Variants in CCDC136 observed in about 807,000 individuals in gnomAD.
CCDC136 encodes the protein coiled-coil domain-containing protein 136.
A neutral mutation model predicts 141.2 loss-of-function variants in CCDC136; 100 were observed. The ratio of observed to expected loss-of-function variants is 0.71; its 90% confidence interval spans 0.60 to 0.84. CCDC136 has a LOEUF of 0.84. Among genes scored for constraint, CCDC136 ranks in the 40% least tolerant of loss-of-function variants. The probability of loss-of-function intolerance (pLI) is 0.00; values close to 1 mark genes in which losing one functional copy is unlikely to be tolerated. For missense variants in CCDC136, 1,206 were observed against 1,379.4 expected (o/e 0.87, Z 1.99); for synonymous variants, 474 against 531.9 (o/e 0.89, Z 1.50).
chr7:128,809,753 A>G (rs1805433023), intron 11 of CCDC136, 109 bp downstream of exon 11: 7 of 789,846 alleles, frequency 8.9e-6, no homozygotes, highest in Non-Finnish European at 1.4e-5. Flanking sequence ...TCTCTTACCA[A>G]CCACTCCTTA....
rs1041087029 is a variant in CCDC136 at position 128,821,137 on chromosome 7, T to A, written c.*6-662T>A. On this transcript the variant is annotated intron_variant, in intron 17 of 17. Coordinates refer to ENST00000297788, the MANE Select transcript of CCDC136 (RefSeq NM_022742.5). This position sits in a 1 kb window ranked among gnomAD's most constrained non-coding sequence, Gnocchi z 5.1. Reference sequence around the variant, plus strand: ...CCACTTGTCCCATGAATCAGCAGGGTTCCCTAGTGGCCGGCAGTGTCTGGA... The same window carrying A: ...CCACTTGTCCCATGAATCAGCAGGGATCCCTAGTGGCCGGCAGTGTCTGGA... Among the ~76,000 whole-genome samples the A allele has an allele frequency of 3.9e-5, 6 of 152,176 alleles. No homozygotes were observed. Among genetic ancestry groups the A allele is most frequent in the African/African-American group, 1.4e-4 (6 of 41,442 alleles).
At chr7:128,804,046 C>T (rs1804457765) in intron 4 of CCDC136, among the ~76,000 whole-genome samples, 1 of 152,168 alleles carries the variant, frequency 6.6e-6, no homozygotes, top group South Asian at 2.1e-4. Context: ...AAACTCCTGA[C>T]CTCAAGTGAT....
chr7:128,805,904 A>G lies in CCDC136; in HGVS notation c.1089+3A>G. 6.2e-7 allele frequency: 1 copy of G among 1,613,822 alleles called. No homozygotes were observed. Among genetic ancestry groups the G allele is most frequent in the Non-Finnish European group, 8.5e-7 (1 of 1,179,864 alleles). On this transcript the variant is annotated splice_donor_region_variant and intron_variant, in intron 7 of 17. Coordinates refer to ENST00000297788, the MANE Select transcript of CCDC136 (RefSeq NM_022742.5). This position sits in a 1 kb window ranked among gnomAD's most constrained non-coding sequence, Gnocchi z 4.6. ...AGACCTCCCACAGTGTCACCCAGGT[A>G]AACACTGCCCGGGGAGGCATCTGGG...
Position 128,817,251 on chromosome 7 carries a change from C to T in CCDC136, c.3364-507C>T, listed in dbSNP as rs1806776052. On this transcript the variant is annotated intron_variant, in intron 16 of 17. Transcript: ENST00000297788. This position sits in a 1 kb window ranked among gnomAD's most constrained non-coding sequence, Gnocchi z 4.6. ...TGCAGTGAAAGAACTAGCCCTTCTC[C>T]ATTGTCAGTTTGTTTCGGTGCATGT... Among the ~76,000 whole-genome samples, 1 of 152,202 alleles carries T rather than the reference C, an allele frequency of 6.6e-6. No homozygotes were observed. The highest frequency in any genetic ancestry group is 2.4e-5 in the African/African-American group (1 of 41,450).
chr7:128,812,033 C>T lies in CCDC136; in HGVS notation c.2262C>T (p.Ser754=), dbSNP rs148305489. ...AGAGCTATGGTAGCATGGTCCCCAGCAATGAGAACTGTCGCAAGACTTATG... is the reference window on the plus strand; with the variant it reads ...AGAGCTATGGTAGCATGGTCCCCAGTAATGAGAACTGTCGCAAGACTTATG... The part of the protein sequence containing the change: ...YGKSYGSMVP[S]NENCRKTYDT... The change falls in exon 13 of 18, where the codon AGC becomes AGT. Residue 754 remains serine (S), a synonymous_variant. Transcript: ENST00000297788. The T allele has an allele frequency of 5.0e-6, 8 of 1,613,888 alleles. No individual in the cohort carries two copies. The highest frequency in any genetic ancestry group is 1.3e-5 in the African/African-American group (1 of 74,922).
intron 4 of CCDC136, among the ~76,000 whole-genome samples, chr7:128,802,694 T>A (rs1804232867): frequency 6.6e-6 from 1 of 152,232 alleles, no homozygotes; most frequent in Non-Finnish European, 1.5e-5. Context: ...CAATATTTGA[T>A]TCCTTAGTCA....
chr7:128,791,360 G>T (rs1033427840), upstream of CCDC136: 1 of 499,818 alleles, frequency 2.0e-6, no homozygotes, highest in African/African-American at 2.0e-5. This position sits in a 1 kb window ranked among gnomAD's most constrained non-coding sequence, Gnocchi z 7.1. Context: ...GCGGCGGGGG[G>T]CGGTGTCAGG....
At position 128,820,655 on chromosome 7, in the gene CCDC136, G is replaced by A. The variant is rs555025428; in HGVS notation, c.*6-1144G>A. On this transcript the variant is annotated intron_variant, in intron 17 of 17. Transcript: ENST00000297788. ...GCTCTGTCACCGAGGCTAGAGTGCAGCGGCATGATCATGGCTCACTGTAAC... is the reference window on the plus strand; with the variant it reads ...GCTCTGTCACCGAGGCTAGAGTGCAACGGCATGATCATGGCTCACTGTAAC... Among the ~76,000 whole-genome samples, 3 of 152,332 alleles carry A rather than the reference G, an allele frequency of 2.0e-5. No individual in the cohort carries two copies. In the South Asian group the frequency reaches 6.2e-4, roughly 32 times the overall value.
Position 128,805,449 on chromosome 7 carries a change from G to T in CCDC136, c.873G>T (p.Glu291Asp). 6.2e-7 allele frequency: 1 copy of T among 1,614,002 alleles called. No individual in the cohort carries two copies. The highest frequency in any genetic ancestry group is 8.5e-7 in the Non-Finnish European group (1 of 1,179,890). ...ESQTSEMDFL[E>D]PDPEMQLLRQ... ...AGACTTCAGAAATGGATTTCTTAGA[G>T]CCTGATCCTGAAATGCAGTTGTTAC... Residue 291 changes from glutamate to aspartate, a missense_variant, in exon 6 of 18, where the codon GAG (glutamate) becomes GAT (aspartate). Coordinates refer to ENST00000297788, the MANE Select transcript of CCDC136 (RefSeq NM_022742.5). The surrounding 1 kb of genome is among the most constrained non-coding windows in gnomAD (Gnocchi z 4.6).
At position 128,794,756 on chromosome 7, in the gene CCDC136, C is replaced by G. The variant is rs1396296261; in HGVS notation, c.334C>G (p.Gln112Glu). Reference sequence around the variant, plus strand: ...GGCAGAGGTGTTCACCAAGCAGATCCAGCAGCTCCAAGGTAATTCCCAGGA... The same window carrying G: ...GGCAGAGGTGTTCACCAAGCAGATCGAGCAGCTCCAAGGTAATTCCCAGGA... ...QQAEVFTKQI[Q>E]QLQGELRSLR... Residue 112 changes from glutamine to glutamate, a missense_variant, in exon 3 of 18, where the codon CAG (glutamine) becomes GAG (glutamate). Physicochemically the swap from Gln to Glu is conservative, Grantham distance 29 (BLOSUM62 2). Coordinates refer to ENST00000297788, the MANE Select transcript of CCDC136 (RefSeq NM_022742.5). This position sits in a 1 kb window ranked among gnomAD's most constrained non-coding sequence, Gnocchi z 4.3. 1 of 1,551,652 alleles carries G rather than the reference C, an allele frequency of 6.4e-7. No homozygotes were observed. Among genetic ancestry groups the G allele is most frequent in the South Asian group, 1.2e-5 (1 of 84,058 alleles).
chr7:128,794,508 G>A lies in CCDC136; in HGVS notation c.177G>A (p.Glu59=), dbSNP rs368126722. Residue 59 remains glutamate, a synonymous_variant, in exon 2 of 18, where the codon GAG becomes GAA. Coordinates refer to ENST00000297788, the MANE Select transcript of CCDC136 (RefSeq NM_022742.5). The surrounding 1 kb of genome is among the most constrained non-coding windows in gnomAD (Gnocchi z 4.3). ...RGLSLTETEL[E]ELRAQVLQLV... ...TGAGCCTCACGGAGACAGAGCTGGA[G>A]GAGCTGCGGGCTCAGGTGCTGCAGC... The A allele has an allele frequency of 6.4e-7, 1 of 1,552,712 alleles. No individual in the cohort carries two copies. The highest frequency in any genetic ancestry group is 8.7e-7 in the Non-Finnish European group (1 of 1,147,550).
rs1344068193 is a variant in CCDC136, at chr7:128,792,408, G to A, written c.-4G>A. 2 of 1,611,058 alleles carry A rather than the reference G, an allele frequency of 1.2e-6. No homozygotes were observed. Among genetic ancestry groups the A allele is most frequent in the Non-Finnish European group, 1.7e-6 (2 of 1,178,552 alleles). ...AACGCTGGGGGTCCCTGGAACGACG[G>A]GGGATGCAAGCTATGGAGGGTGAGT... On this transcript the variant is annotated 5_prime_UTR_variant, in exon 1 of 18. Coordinates refer to ENST00000297788, the MANE Select transcript of CCDC136 (RefSeq NM_022742.5).
upstream of CCDC136, chr7:128,791,065 C>T (rs76503790): frequency 6.8e-3 from 1,103 of 162,594 alleles, 7 homozygotes; most frequent in East Asian, 0.027. The surrounding 1 kb of genome is among the most constrained non-coding windows in gnomAD (Gnocchi z 7.1). Flanking sequence ...TCGTCCTTTG[C>T]CGTCCCCATT....
At chr7:128,806,177 C>T (rs984419547) in intron 7 of CCDC136, 60 bp from the exon 8 acceptor site, 37 of 1,426,534 alleles carry the variant, frequency 2.6e-5, no homozygotes, top group Admixed American at 2.4e-5. Flanking sequence ...CCAACTGATC[C>T]GTAGAAAGAC....
At chr7:128,802,176 T>C (rs1804128125) in intron 4 of CCDC136, among the ~76,000 whole-genome samples, 1 of 152,090 alleles carries the variant, frequency 6.6e-6, no homozygotes, top group Non-Finnish European at 1.5e-5. Context: ...TTATTCTGAG[T>C]GATACATGAG....
chr7:128,810,269 A>C lies in CCDC136; in HGVS notation c.1931A>C (p.Glu644Ala). The C allele has an allele frequency of 6.2e-7, 1 of 1,613,976 alleles. No homozygotes were observed. Among genetic ancestry groups the C allele is most frequent in the Non-Finnish European group, 8.5e-7 (1 of 1,179,864 alleles). The change falls in exon 12 of 18, where the codon GAA becomes GCA. Residue 644 changes from glutamate (E) to alanine (A), a missense_variant. Coordinates refer to ENST00000297788, the MANE Select transcript of CCDC136 (RefSeq NM_022742.5). ...CVLKEQLEIH[E>A]ELRRFKESHF... ...TTAAAAGAACAATTAGAGATCCACG[A>C]AGAGCTGCGACGTTTCAAAGAGTCT...
intron 4 of CCDC136, among the ~76,000 whole-genome samples, chr7:128,803,373 G>C (rs1434908467): frequency 6.6e-6 from 1 of 152,204 alleles, no homozygotes; most frequent in East Asian, 1.9e-4. Flanking sequence ...CCTTAAAAGT[G>C]GGCATGGTGA....
At chr7:128,802,895 T>G (rs1210509919) in intron 4 of CCDC136, among the ~76,000 whole-genome samples, 1 of 152,262 alleles carries the variant, frequency 6.6e-6, no homozygotes, top group African/African-American at 2.4e-5. Flanking sequence ...TGAAGCATGT[T>G]GAAATCACTT....
At chr7:128,797,122 T>A (rs559427822) in intron 3 of CCDC136, among the ~76,000 whole-genome samples, 55 of 152,314 alleles carry the variant, frequency 3.6e-4, no homozygotes, top group African/African-American at 1.3e-3. Context: ...AAGATGACTT[T>A]GCCTTGAGAA....
Sources: gnomAD v4.1 joint callset for allele counts (sites outside exome capture counted in the v4.1 genomes callset) on GRCh38, gnomAD v4.1.1 for gene constraint, Gnocchi (gnomAD v3.1) non-coding constraint, MANE v1.5 for transcripts, NCBI Gene and HGNC (gene_info 2026-07-23, HGNC 2026-07-21) for gene names.